The following HTT variants were observed in gnomAD, a reference collection of about 807,000 sequenced individuals.
HTT encodes huntington disease protein.
HTT carries 104 observed loss-of-function variants against 362.3 expected under a neutral mutation model. The ratio of observed to expected loss-of-function variants is 0.29; its 90% CI spans 0.24 to 0.34. The LOEUF (loss-of-function observed/expected upper bound fraction) is 0.34. HTT is among the 10% of genes least tolerant of loss of function. The pLI, the probability that HTT is intolerant of heterozygous loss-of-function variation, is 1.00. For synonymous variants in HTT, 1,577 were observed against 1,548.7 expected, an observed-to-expected ratio of 1.02 and a Z score of -0.43; for missense variants, 3,301 against 3,928.6, an observed-to-expected ratio of 0.84 and a Z score of 4.27.
In HTT at chr4:3,199,955, C is replaced by T; in HGVS notation, c.5576+16C>T. 6.2e-7 allele frequency: 1 copy of T among 1,602,696 alleles called. No individual in the cohort carries two copies. Among genetic ancestry groups the T allele is most frequent in the Non-Finnish European group, 8.5e-7 (1 of 1,173,838 alleles). ...AGACCCCGAAGTAGGTTCATAATGCCCCACAGCCCAGGGCGCCAGCCCAGC... is the reference window on the plus strand; with the variant it reads ...AGACCCCGAAGTAGGTTCATAATGCTCCACAGCCCAGGGCGCCAGCCCAGC... On this transcript the variant is annotated intron_variant, in intron 41 of 66. Coordinates refer to ENST00000355072, the MANE Select transcript of HTT (RefSeq NM_001388492.1).
At position 3,074,935 on chromosome 4, in the gene HTT, A is replaced by AGCCGCCGCC. The variant is rs765098132; in HGVS notation, c.110_111insGCCGCCGCC (p.Gln37_Gln38insProProPro). 1.6e-6 allele frequency: 2 copies of AGCCGCCGCC among 1,248,026 alleles called. No homozygotes were observed. The highest frequency in any genetic ancestry group is 2.1e-6 in the Non-Finnish European group (2 of 938,550). 77.3% of individuals were successfully genotyped at this position (1,248,026 alleles called of 1,614,324 possible). A position where few individuals can be genotyped will look rare whatever the true frequency, so the allele number is the denominator to read the frequency against. ...CAGCAGCAGCAGCAGCAGCAGCAGC[A>AGCCGCCGCC]ACAGCCGCCACCGCCGCCGCCGCCG... On this transcript the variant is annotated inframe_insertion, in exon 1 of 67. Coordinates refer to ENST00000355072, the MANE Select transcript of HTT (RefSeq NM_001388492.1).
chr4:3,171,008 T>A (rs766701408), intron 29 of HTT, among the ~76,000 whole-genome samples: 4 of 152,216 alleles, frequency 2.6e-5, no homozygotes, highest in Non-Finnish European at 5.9e-5. Context: ...TTCCAGGGCT[T>A]CAGTTTCTGG....
In HTT at chr4:3,203,988, C is replaced by T; in HGVS notation, c.5577-19C>T. On this transcript the variant is annotated intron_variant, in intron 41 of 66. Transcript: ENST00000355072. ...CTGCCATCCAGAAACATTGTCAATG[C>T]ATCTGTTGCTCCTTCTAGAAGACAC... 6.2e-7 allele frequency: 1 copy of T among 1,611,348 alleles called. No individual in the cohort carries two copies. Among genetic ancestry groups the T allele is most frequent in the Non-Finnish European group, 8.5e-7 (1 of 1,177,682 alleles).
chr4:3,229,377 C>T (rs574409893), intron 59 of HTT, among the ~76,000 whole-genome samples: 1 of 147,216 alleles, frequency 6.8e-6, no homozygotes, highest in Non-Finnish European at 1.5e-5. Context: ...CACACACATG[C>T]CACGTGCACA....
chr4:3,217,986 A>G (rs1336349906), intron 52 of HTT, 34 bp downstream of exon 52: 2 of 1,561,020 alleles, frequency 1.3e-6, no homozygotes, highest in African/African-American at 1.3e-5. Flanking sequence ...AAGACCAAGT[A>G]CGGTGAAAGG....
intron 38 of HTT, 75 bp downstream of exon 38, chr4:3,186,794 A>T: frequency 7.0e-7 from 1 of 1,434,144 alleles, no homozygotes. Flanking sequence ...CCACCCCCAG[A>T]ATGTCTGAGT....
At chr4:3,239,686 A>C (rs2071703) in intron 66 of HTT, among the ~76,000 whole-genome samples, 160 bp from the exon 67 acceptor site, 42,380 of 152,088 alleles carry the variant, frequency 0.28, 6,533 homozygotes, top group East Asian at 0.39. Flanking sequence ...GGAGGCGCTG[A>C]TGCAGCTGGA....
intron 41 of HTT, among the ~76,000 whole-genome samples, chr4:3,202,029 G>A (rs1719600435): frequency 6.6e-6 from 1 of 152,186 alleles, no homozygotes; most frequent in Non-Finnish European, 1.5e-5. Context: ...TGCTCCAGGA[G>A]GTCCTTATGT....
At chr4:3,220,033 T>C in intron 52 of HTT, 149 bp from the exon 53 acceptor site, 1 of 799,458 alleles carries the variant, frequency 1.3e-6, no homozygotes, top group Non-Finnish European at 2.0e-6. Context: ...CAGTTGGAGC[T>C]GTTTTCTGGG....
chr4:3,122,648 A>G (rs1334709828), intron 9 of HTT, among the ~76,000 whole-genome samples: 3 of 152,192 alleles, frequency 2.0e-5, no homozygotes, highest in Non-Finnish European at 2.9e-5. Flanking sequence ...TGGCTTTTAC[A>G]ATGCAATTTA....
intron 14 of HTT, among the ~76,000 whole-genome samples, chr4:3,130,736 G>A (rs1175719908): frequency 6.6e-6 from 1 of 152,128 alleles, no homozygotes; most frequent in Non-Finnish European, 1.5e-5. Context: ...TCTTGTTTTG[G>A]TTCTACTGAA....
intron 6 of HTT, among the ~76,000 whole-genome samples, chr4:3,108,897 A>T (rs1206982529): frequency 6.6e-6 from 1 of 152,028 alleles, no homozygotes; most frequent in Non-Finnish European, 1.5e-5. Flanking sequence ...ACTGAAAAAA[A>T]ATTAGCTGGA....
chr4:3,102,681 C>T lies in HTT; in HGVS notation c.469-1143C>T, dbSNP rs552647891. Among the ~76,000 whole-genome samples, 26 of 152,308 alleles carry T rather than the reference C, an allele frequency of 1.7e-4. No homozygotes were observed. In the South Asian group the frequency reaches 4.6e-3, roughly 27 times the overall value. On this transcript the variant is annotated intron_variant, in intron 3 of 66. Coordinates refer to ENST00000355072, the MANE Select transcript of HTT (RefSeq NM_001388492.1). The stretch of plus-strand genomic sequence containing the variant: ...CCCATGCCACGGTTAAAGAGATCAT[C>T]GACTGATGTTTGGCACAGCTTCCTC...
At chr4:3,223,367 G>A in intron 54 of HTT, 39 bp from the exon 55 acceptor site, 2 of 1,530,834 alleles carry the variant, frequency 1.3e-6, no homozygotes, top group Non-Finnish European at 8.8e-7. Flanking sequence ...GGTTGTGGGT[G>A]TCTTGCTGCT....
intron 52 of HTT, among the ~76,000 whole-genome samples, chr4:3,219,167 G>A (rs1478738641): frequency 6.6e-6 from 1 of 152,206 alleles, no homozygotes; most frequent in Non-Finnish European, 1.5e-5. Flanking sequence ...TGCTGGAGAA[G>A]CAGGCCACAC....
chr4:3,182,237 C>G (rs979545913), intron 36 of HTT, 117 bp from the exon 37 acceptor site: 11 of 678,406 alleles, frequency 1.6e-5, no homozygotes, highest in Admixed American at 1.4e-4. Context: ...GCTGGGATCA[C>G]ATCTGTTTGG....
At chr4:3,146,683 A>G in intron 24 of HTT, 114 bp from the exon 25 acceptor site, 1 of 841,032 alleles carries the variant, frequency 1.2e-6, no homozygotes, top group Non-Finnish European at 1.9e-6. Flanking sequence ...ACAATTTCTG[A>G]GCTGGTATAA....
At chr4:3,123,032 T>A in intron 10 of HTT, 96 bp downstream of exon 10, 1 of 931,332 alleles carries the variant, frequency 1.1e-6, no homozygotes, top group Non-Finnish European at 1.7e-6. Context: ...TAATACTGTA[T>A]TGGACTCTGT....
chr4:3,228,842 C>G lies in HTT; in HGVS notation c.7980-38C>G. On this transcript the variant is annotated intron_variant, in intron 58 of 66. Transcript: ENST00000355072. The surrounding 1 kb of genome is among the most constrained non-coding windows in gnomAD (Gnocchi z 4.3). Reference sequence around the variant, plus strand: ...GCTTCTTGAAATGAGCCTCTCATCTCATGTACTTGGAAAATACCCATCTCG... The same window carrying G: ...GCTTCTTGAAATGAGCCTCTCATCTGATGTACTTGGAAAATACCCATCTCG... 1 of 1,595,180 alleles carries G rather than the reference C, an allele frequency of 6.3e-7. No individual in the cohort carries two copies. The highest frequency in any genetic ancestry group is 2.3e-5 in the East Asian group (1 of 44,376).
Sources: gnomAD v4.1 joint callset for allele counts (sites outside exome capture counted in the v4.1 genomes callset) on GRCh38, gnomAD v4.1.1 for gene constraint, Gnocchi (gnomAD v3.1) non-coding constraint, MANE v1.5 for transcripts, NCBI Gene and HGNC (gene_info 2026-07-23, HGNC 2026-07-21) for gene names.